SHTN1: variants seen among roughly 807,000 people sequenced by gnomAD.
The protein encoded by SHTN1 is shootin 1.
A neutral mutation model predicts 83.1 loss-of-function variants in SHTN1; 42 were observed. The observed-to-expected ratio is 0.51, with a 90% CI of 0.39 to 0.65. The LOEUF (loss-of-function observed/expected upper bound fraction) is 0.65, where lower values mean the gene tolerates loss of function less well. Among genes scored for constraint, SHTN1 ranks in the 30% least tolerant of loss-of-function variants. The probability of loss-of-function intolerance (pLI) is 0.00; values close to 1 mark genes in which losing one functional copy is unlikely to be tolerated. For synonymous variants in SHTN1, 224 were observed against 247.7 expected, an observed-to-expected ratio of 0.90 and a Z score of 0.90; for missense variants, 622 against 737.8, an observed-to-expected ratio of 0.84 and a Z score of 1.82.
At chr10:117,005,458 A>T (rs529053476), upstream of SHTN1, 2 of 1,039,780 alleles carry the variant, frequency 1.9e-6, no homozygotes, top group Admixed American at 1.1e-4. Context: ...CACCTCCCGG[A>T]CTCAGGGACG....
intron 1 of SHTN1, among the ~76,000 whole-genome samples, chr10:117,057,097 G>A (rs1004986127): frequency 4.6e-5 from 7 of 152,102 alleles, no homozygotes; most frequent in Admixed American, 2.6e-4. Context: ...CAGAGAACAT[G>A]ACTGTTTACA....
rs1344741323 is a variant in SHTN1 at position 116,904,628 on chromosome 10, T to C, written c.1480+1999A>G. Among the ~76,000 whole-genome samples the C allele has an allele frequency of 3.9e-5, 6 of 152,188 alleles. No homozygotes were observed. The East Asian group carries it at 1.2e-3, about 29-fold the overall frequency. ...TGCCCTAAAATAATACAAATATTTG[T>C]ATATTGGTGGAATATAATACATTAA... On this transcript the variant is annotated intron_variant, in intron 15 of 16. Coordinates refer to ENST00000355371, the MANE Select transcript of SHTN1 (RefSeq NM_001127211.3).
At chr10:116,928,488 A>G (rs190428913) in intron 10 of SHTN1, among the ~76,000 whole-genome samples, 56 of 152,318 alleles carry the variant, frequency 3.7e-4, no homozygotes, top group Admixed American at 2.2e-3. Flanking sequence ...CTAAGCACCA[A>G]TGATGTGAAA....
chr10:117,097,032 C>CAT (rs1335997026), intron 1 of SHTN1, among the ~76,000 whole-genome samples: 2 of 129,440 alleles, frequency 1.5e-5, no homozygotes, highest in African/African-American at 6.1e-5. Flanking sequence ...CACACATAGA[C>CAT]ACACACACAC....
intron 1 of SHTN1, among the ~76,000 whole-genome samples, chr10:117,107,229 A>G (rs1486724720): frequency 6.6e-6 from 1 of 152,196 alleles, no homozygotes; most frequent in Admixed American, 6.5e-5. Flanking sequence ...CACTATACTT[A>G]TTTTATAGAT....
chr10:117,097,662 T>C (rs1446052803), intron 1 of SHTN1, among the ~76,000 whole-genome samples: 1 of 152,164 alleles, frequency 6.6e-6, no homozygotes, highest in Non-Finnish European at 1.5e-5. Flanking sequence ...CTACACCAAG[T>C]GCCAGATTTT....
chr10:116,892,777 C>T lies in SHTN1; in HGVS notation c.1674-6211G>A, dbSNP rs560539968. Among the ~76,000 whole-genome samples the T allele has an allele frequency of 3.3e-5, 5 of 152,132 alleles. No individual in the cohort carries two copies. The East Asian group carries it at 7.7e-4, about 23-fold the overall frequency. On this transcript the variant is annotated intron_variant, in intron 16 of 16. Coordinates refer to ENST00000355371, the MANE Select transcript of SHTN1 (RefSeq NM_001127211.3). ...AAATTGGGTCAGTTTATTCTGAGAT[C>T]TGACATTGCATTTGAGTTTTAGCTT...
intron 3 of SHTN1, among the ~76,000 whole-genome samples, chr10:116,963,035 G>GTTT (rs71013628): frequency 2.2e-5 from 1 of 45,262 alleles, no homozygotes; most frequent in African/African-American, 7.1e-5. Context: ...AATAATAAAA[G>GTTT]TTTTTTTTTT....
intron 1 of SHTN1, among the ~76,000 whole-genome samples, chr10:117,075,695 G>A (rs1190563652): frequency 3.3e-5 from 5 of 152,156 alleles, no homozygotes; most frequent in Non-Finnish European, 7.3e-5. Flanking sequence ...GCTCAACTAG[G>A]ACCTGAAGGA....
Position 117,090,162 on chromosome 10 carries a change from A to C in SHTN1, c.-189+36145T>G, listed in dbSNP as rs73385223. 0.011 allele frequency among the ~76,000 whole-genome samples: 1,728 copies of C among 152,328 alleles called. 42 individuals carry two copies. In the East Asian group the frequency reaches 0.12, roughly 10 times the overall value. The stretch of plus-strand genomic sequence containing the variant: ...AACAGCCAAAAGAAAGAAGCAACCC[A>C]AATGTCCATCAATAATGAATGGGTA... On this transcript the variant is annotated intron_variant, in intron 1 of 17. Transcript: ENST00000392901.
chr10:116,916,099 A>G (rs1848373647), intron 12 of SHTN1, among the ~76,000 whole-genome samples: 1 of 152,236 alleles, frequency 6.6e-6, no homozygotes, highest in Non-Finnish European at 1.5e-5. Context: ...AAGAAAATAT[A>G]CATGTAGCAA....
At chr10:117,049,818 G>A (rs1024473361) in intron 1 of SHTN1, among the ~76,000 whole-genome samples, 12 of 151,924 alleles carry the variant, frequency 7.9e-5, no homozygotes, top group African/African-American at 2.7e-4. Flanking sequence ...AATGTTTTTC[G>A]GTATGAAAAT....
intron 2 of SHTN1, among the ~76,000 whole-genome samples, chr10:117,038,239 C>A (rs935026407): frequency 6.6e-6 from 1 of 151,568 alleles, no homozygotes; most frequent in African/African-American, 2.4e-5. Context: ...CTTCTGGGCT[C>A]AAGCGATCCT....
At chr10:117,020,435 G>C (rs1292681923) in intron 2 of SHTN1, among the ~76,000 whole-genome samples, 1 of 151,600 alleles carries the variant, frequency 6.6e-6, no homozygotes, top group East Asian at 1.9e-4. Flanking sequence ...GAGTGGCAGA[G>C]GTTGCAGTGA....
At chr10:117,125,360 A>C (rs1235008637) in intron 1 of SHTN1, among the ~76,000 whole-genome samples, 2 of 152,162 alleles carry the variant, frequency 1.3e-5, no homozygotes, top group African/African-American at 4.8e-5. Flanking sequence ...TAATGTGTTA[A>C]CTAACTTGTT....
In SHTN1 at chr10:116,886,293, A is replaced by G. The variant is rs1240252577; in HGVS notation, c.*51T>C. 2.6e-6 allele frequency: 4 copies of G among 1,550,940 alleles called. No homozygotes were observed. Among genetic ancestry groups the G allele is most frequent in the Non-Finnish European group, 3.5e-6 (4 of 1,146,470 alleles). ...CCTTGCCAATATAACAACACTAATCATGTGCTTATTGAAAAGGACTTCCAA... is the reference window on the plus strand; with the variant it reads ...CCTTGCCAATATAACAACACTAATCGTGTGCTTATTGAAAAGGACTTCCAA... On this transcript the variant is annotated 3_prime_UTR_variant, in exon 17 of 17. Coordinates refer to ENST00000355371, the MANE Select transcript of SHTN1 (RefSeq NM_001127211.3).
At chr10:116,959,437 G>A (rs919286214) in intron 4 of SHTN1, among the ~76,000 whole-genome samples, 1 of 152,156 alleles carries the variant, frequency 6.6e-6, no homozygotes, top group African/African-American at 2.4e-5. Flanking sequence ...GGTGGGTGAT[G>A]GAGGGGAGGG....
intron 11 of SHTN1, among the ~76,000 whole-genome samples, chr10:116,923,865 C>T (rs990372683): frequency 3.9e-5 from 6 of 152,256 alleles, no homozygotes; most frequent in Admixed American, 1.3e-4. Flanking sequence ...GTTTCTTAAT[C>T]GTTCTAATTT....
intron 13 of SHTN1, among the ~76,000 whole-genome samples, chr10:116,912,680 T>A (rs1363866529): frequency 1.3e-5 from 2 of 152,120 alleles, no homozygotes; most frequent in Non-Finnish European, 2.9e-5. Flanking sequence ...TCATGAAAAG[T>A]AAGTTCAGGA....
Sources: allele counts gnomAD v4.1 joint callset (sites outside exome capture counted in the v4.1 genomes callset), GRCh38; gene constraint gnomAD v4.1.1; transcripts MANE v1.5; gene names NCBI Gene and HGNC (gene_info 2026-07-23, HGNC 2026-07-21).